Variants in LIPH observed in about 807,000 individuals in gnomAD.
LIPH encodes lipase H, also known as lipase member H.
Under a neutral mutation model 47.6 loss-of-function variants are expected in LIPH, and 32 were observed. That is an observed-to-expected ratio of 0.67 (90% confidence interval 0.51 to 0.90). The LOEUF (loss-of-function observed/expected upper bound fraction) is 0.90, where lower values mean the gene tolerates loss of function less well. Ranked by LOEUF, LIPH falls within the 40% of genes least tolerant of loss-of-function variation. LIPH has a pLI of 0.00. For missense variants in LIPH, 497 were observed against 541.4 expected, an observed-to-expected ratio of 0.92 and a Z score of 0.81; for synonymous variants, 190 against 195.6, an observed-to-expected ratio of 0.97 and a Z score of 0.24.
chr3:185,511,431 G>A, intron 9 of LIPH, 93 bp downstream of exon 9: 1 of 1,125,994 alleles, frequency 8.9e-7, no homozygotes, highest in Non-Finnish European at 1.4e-6. Context: ...GTGAATAATA[G>A]AGTCTTATTA....
chr3:185,522,651 AAAGAAAGAAAGAAAGAAAG>A (rs979128474), intron 5 of LIPH, among the ~76,000 whole-genome samples: 2 of 3,398 alleles, frequency 5.9e-4, no homozygotes, highest in East Asian at 0.019. Context: ...AGAGAAAGAA[AAAGAAAGAAAGAAAGAAAG>A]AAAGAAAGAA....
intron 3 of LIPH, among the ~76,000 whole-genome samples, chr3:185,533,207 C>G (rs1419750754): frequency 6.6e-6 from 1 of 152,066 alleles, no homozygotes; most frequent in Non-Finnish European, 1.5e-5. Context: ...TGCCTGGGGA[C>G]TGAAGCGTAT....
In LIPH at chr3:185,533,616, C is replaced by T; in HGVS notation, c.481G>A (p.Gly161Arg). 1.2e-6 allele frequency: 2 copies of T among 1,614,018 alleles called. No individual in the cohort carries two copies. Among genetic ancestry groups the T allele is most frequent in the Non-Finnish European group, 1.7e-6 (2 of 1,179,914 alleles). ...IGVSLGAHIS[G>R]FVGEMYDGWL... ...CCATCGTACATCTCTCCAACAAACC[C>T]AGATATGTGGGCTCCTAGACTTACT... The change falls in exon 3 of 10, where the codon GGG becomes AGG. Residue 161 changes from glycine (G) to arginine (R), a missense_variant. Gly to Arg is a moderately radical substitution (Grantham distance 125). Transcript: ENST00000296252.
chr3:185,550,696 A>G (rs1172234415), intron 1 of LIPH, among the ~76,000 whole-genome samples: 1 of 151,968 alleles, frequency 6.6e-6, no homozygotes, highest in Non-Finnish European at 1.5e-5. Context: ...CAGCCTCCCG[A>G]GTAGCTGGGA....
chr3:185,516,860 G>A (rs1018144714), intron 7 of LIPH, among the ~76,000 whole-genome samples: 3 of 152,152 alleles, frequency 2.0e-5, no homozygotes, highest in African/African-American at 7.2e-5. Flanking sequence ...GACCAGTCAG[G>A]ACATTGAGAC....
chr3:185,532,766 G>T (rs190635535), intron 3 of LIPH, among the ~76,000 whole-genome samples: 180 of 151,816 alleles, frequency 1.2e-3, no homozygotes, highest in African/African-American at 3.4e-3. Flanking sequence ...CTCCAGCCTG[G>T]GTGACAGAGT....
chr3:185,550,303 C>T (rs1721014388), intron 1 of LIPH, among the ~76,000 whole-genome samples: 1 of 152,008 alleles, frequency 6.6e-6, no homozygotes, highest in South Asian at 2.1e-4. Context: ...TTCCTTCTAC[C>T]TACAGAAGTT....
intron 1 of LIPH, among the ~76,000 whole-genome samples, chr3:185,546,267 G>A (rs569406784): frequency 2.0e-5 from 3 of 150,422 alleles, no homozygotes; most frequent in South Asian, 2.1e-4. Context: ...CAGGAGAATC[G>A]CTCGAACCCA....
chr3:185,515,819 C>T (rs1407187402), intron 7 of LIPH, among the ~76,000 whole-genome samples: 1 of 152,188 alleles, frequency 6.6e-6, no homozygotes, highest in East Asian at 1.9e-4. Flanking sequence ...GCGTGAGCCA[C>T]CATGCTTAGC....
At chr3:185,529,918 G>GAGAGAAAGA (rs1431361804) in intron 3 of LIPH, among the ~76,000 whole-genome samples, 6 of 38,578 alleles carry the variant, frequency 1.6e-4, no homozygotes, top group African/African-American at 4.2e-4. Context: ...AAGAAAGAAA[G>GAGAGAAAGA]AAAGAAAGAA....
chr3:185,549,269 G>A (rs1173722339), intron 1 of LIPH, among the ~76,000 whole-genome samples: 3 of 152,144 alleles, frequency 2.0e-5, no homozygotes, highest in South Asian at 2.1e-4. Context: ...GGATGCAACC[G>A]AGAAAATAAA....
intron 8 of LIPH, among the ~76,000 whole-genome samples, chr3:185,513,177 T>C (rs757009153): frequency 2.4e-4 from 36 of 152,062 alleles, no homozygotes; most frequent in Admixed American, 1.5e-3. Flanking sequence ...CCGTCTCTAC[T>C]AAAAATATAA....
intron 9 of LIPH, 68 bp downstream of exon 9, chr3:185,511,456 G>A (rs1271143863): frequency 2.1e-6 from 3 of 1,401,644 alleles, no homozygotes; most frequent in Non-Finnish European, 3.0e-6. Flanking sequence ...ATCAGACCAA[G>A]CAGATTGGAC....
rs368989054 is a variant in LIPH, at chr3:185,535,013, T to A, written c.169A>T (p.Ile57Phe). The change falls in exon 2 of 10, where the codon ATC becomes TTC. Residue 57 changes from isoleucine (I) to phenylalanine (F), a missense_variant. Physicochemically the swap from Ile to Phe is conservative, Grantham distance 21. Coordinates refer to ENST00000296252, the MANE Select transcript of LIPH (RefSeq NM_139248.3). ...TRKNLTCAQTINSSAFGNLNV... is the reference protein window; with the variant it reads ...TRKNLTCAQTFNSSAFGNLNV... ...AAGTTCCCAAAAGCTGAGGAGTTGATGGTTTGTGCGCAGGTCAGGTTTTTC... is the reference window on the plus strand; with the variant it reads ...AAGTTCCCAAAAGCTGAGGAGTTGAAGGTTTGTGCGCAGGTCAGGTTTTTC... The A allele has an allele frequency of 3.7e-6, 6 of 1,613,644 alleles. No individual in the cohort carries two copies. Among genetic ancestry groups the A allele is most frequent in the Non-Finnish European group, 4.2e-6 (5 of 1,179,840 alleles).
At chr3:185,515,515 C>CTT (rs1262789817) in intron 7 of LIPH, among the ~76,000 whole-genome samples, 72 of 144,200 alleles carry the variant, frequency 5.0e-4, no homozygotes, top group African/African-American at 1.8e-3. Flanking sequence ...GATCTGCAGG[C>CTT]TTTTTTTTTT....
chr3:185,514,593 A>T (rs891487039), intron 7 of LIPH, 72 bp from the exon 8 acceptor site: 1 of 772,238 alleles, frequency 1.3e-6, no homozygotes, highest in Admixed American at 1.7e-5. Flanking sequence ...TGGTTCCTAA[A>T]AACTGAACCT....
intron 1 of LIPH, among the ~76,000 whole-genome samples, chr3:185,542,580 G>A (rs1720747137): frequency 6.6e-6 from 1 of 151,974 alleles, no homozygotes; most frequent in South Asian, 2.1e-4. Context: ...GCCTCCCAAA[G>A]TGCTGGGATT....
Position 185,527,483 on chromosome 3 carries a change from C to T in LIPH, c.628+1G>A, listed in dbSNP as rs995291779. 5 of 1,602,908 alleles carry T rather than the reference C, an allele frequency of 3.1e-6. No individual in the cohort carries two copies. The African/African-American group carries it at 6.7e-5, about 22-fold the overall frequency. On this transcript the variant is annotated splice_donor_variant, in intron 4 of 9. Coordinates refer to ENST00000296252, the MANE Select transcript of LIPH (RefSeq NM_139248.3). LOFTEE classifies it high-confidence loss of function. ...CTGACCCACAAGGAAAGGAGCGTTA[C>T]CATCAGTGTCGGAATGGATGACATC...
chr3:185,539,484 C>T (rs1720634979), intron 1 of LIPH, among the ~76,000 whole-genome samples: 1 of 151,632 alleles, frequency 6.6e-6, no homozygotes, highest in African/African-American at 2.4e-5. Flanking sequence ...GATTCTACTG[C>T]CTCAGCCTCT....
Sources: allele counts gnomAD v4.1 joint callset (sites outside exome capture counted in the v4.1 genomes callset), GRCh38; gene constraint gnomAD v4.1.1; transcripts MANE v1.5; gene names NCBI Gene and HGNC (gene_info 2026-07-23, HGNC 2026-07-21).